The following TBCE variants were observed in gnomAD, a reference collection of about 807,000 sequenced individuals.
The protein encoded by TBCE is tubulin-specific chaperone E.
TBCE carries 53 observed loss-of-function variants against 77.0 expected under a neutral mutation model. The ratio of observed to expected loss-of-function variants is 0.69; its 90% confidence interval spans 0.55 to 0.87. The LOEUF (loss-of-function observed/expected upper bound fraction) is 0.87, where lower values mean the gene tolerates loss of function less well. Ranked by LOEUF, TBCE falls within the 40% of genes least tolerant of loss-of-function variation. The probability of loss-of-function intolerance (pLI) is 0.00; values close to 1 mark genes in which losing one functional copy is unlikely to be tolerated. For synonymous variants in TBCE, 235 were observed against 241.3 expected (o/e 0.97, Z 0.24); for missense variants, 624 against 622.4 (o/e 1.00, Z -0.03).
At chr1:235,370,038 C>G (rs1014785912) in intron 1 of TBCE, among the ~76,000 whole-genome samples, 1 of 152,052 alleles carries the variant, frequency 6.6e-6, no homozygotes, top group Non-Finnish European at 1.5e-5. Context: ...TTCTTTACCT[C>G]TCTCATATTT....
chr1:235,400,153 G>A (rs549100022), intron 2 of TBCE, among the ~76,000 whole-genome samples: 94 of 152,134 alleles, frequency 6.2e-4, no homozygotes, highest in African/African-American at 2.0e-3. Context: ...AAAGACCTTA[G>A]AACATGCCAT....
rs376268347 is a variant in TBCE at position 235,427,247 on chromosome 1, C to T, written c.560+8C>T. On this transcript the variant is annotated splice_region_variant and intron_variant, in intron 6 of 16. Transcript: ENST00000642610. ...GGAAGTCCTTAATGTCAGGTATGAA[C>T]TCTTGGTTGCTGAATCTTCATTAAC... is the stretch of plus-strand genomic sequence containing the variant. 314 of 1,574,356 alleles carry T rather than the reference C, an allele frequency of 2.0e-4. 1 individual carries two copies. Among genetic ancestry groups the T allele is most frequent in the Non-Finnish European group, 2.7e-4 (306 of 1,144,432 alleles).
At chr1:235,424,174 C>G (rs1680566394) in intron 5 of TBCE, among the ~76,000 whole-genome samples, 1 of 152,142 alleles carries the variant, frequency 6.6e-6, no homozygotes, top group South Asian at 2.1e-4. Flanking sequence ...TGACACAGCT[C>G]TGTGACTGCT....
rs1679090164 is a variant in TBCE, at chr1:235,401,362, AG to A, written c.101-139del. ...TTTGCTGATTGAAGTCCTGAGTATA[AG>A]GCTAACTTGTCCATTCCCTCCTCCC... On this transcript the variant is annotated intron_variant, in intron 2 of 16. Transcript: ENST00000642610. 9.7e-6 allele frequency: 7 copies of A among 719,942 alleles called. No individual in the cohort carries two copies. In the South Asian group the frequency reaches 1.0e-4, roughly 11 times the overall value. 44.6% of individuals were successfully genotyped at this position (719,942 alleles called of 1,614,324 possible). A position where few individuals can be genotyped will look rare whatever the true frequency, so the allele number is the denominator to read the frequency against.
chr1:235,427,053 A>G, intron 5 of TBCE, 87 bp from the exon 6 acceptor site: 1 of 932,910 alleles, frequency 1.1e-6, no homozygotes, highest in Non-Finnish European at 1.7e-6. Flanking sequence ...GAAAAGTTAA[A>G]ACGCTCATGC....
At chr1:235,439,962 T>C (rs1172536090) in intron 13 of TBCE, among the ~76,000 whole-genome samples, 1 of 146,230 alleles carries the variant, frequency 6.8e-6, no homozygotes, top group Non-Finnish European at 1.5e-5. Context: ...CCACCATGCC[T>C]GGCTAATTTT....
At chr1:235,404,881 C>T (rs1302497782) in intron 3 of TBCE, among the ~76,000 whole-genome samples, 3 of 151,434 alleles carry the variant, frequency 2.0e-5, no homozygotes, top group Non-Finnish European at 2.9e-5. Flanking sequence ...AGGCTGGTGT[C>T]GAACCCCTGA....
chr1:235,417,054 ATT>A (rs1186734728), intron 4 of TBCE, among the ~76,000 whole-genome samples: 7 of 152,230 alleles, frequency 4.6e-5, no homozygotes, highest in Non-Finnish European at 1.5e-5. Context: ...ACTTTAAGCC[ATT>A]GTCTTATCTC....
chr1:235,439,472 G>A (rs1681690372), intron 13 of TBCE, among the ~76,000 whole-genome samples: 1 of 151,674 alleles, frequency 6.6e-6, no homozygotes, highest in African/African-American at 2.4e-5. Context: ...CTCCAGCCTG[G>A]GCGACAGAAC....
intron 2 of TBCE, among the ~76,000 whole-genome samples, chr1:235,400,524 C>T (rs1003453751): frequency 3.3e-5 from 5 of 149,930 alleles, no homozygotes; most frequent in Non-Finnish European, 7.4e-5. Flanking sequence ...TCTCAGCCTC[C>T]GGAGTAGCTG....
intron 2 of TBCE, among the ~76,000 whole-genome samples, chr1:235,383,252 T>C (rs1318599269): frequency 1.3e-3 from 191 of 152,046 alleles, no homozygotes; most frequent in Non-Finnish European, 2.4e-3. Flanking sequence ...GGTAGTGTGA[T>C]GCCTCCAGCT....
At chr1:235,446,179 C>T (rs1275485135) in intron 15 of TBCE, among the ~76,000 whole-genome samples, 3 of 148,358 alleles carry the variant, frequency 2.0e-5, no homozygotes, top group Non-Finnish European at 4.5e-5. Flanking sequence ...AAAACCTATA[C>T]ATCCTTTTTT....
Position 235,448,332 on chromosome 1 carries a change from T to C in TBCE, c.1400-17T>C, listed in dbSNP as rs770708366. On this transcript the variant is annotated splice_polypyrimidine_tract_variant and intron_variant, in intron 15 of 16. Coordinates refer to ENST00000642610, the MANE Select transcript of TBCE (RefSeq NM_003193.5). ...GTCATTTGAGAGAACGAATGGACTT[T>C]TCTTGTCTTTTGATAGGCTCCATGA... 1.9e-6 allele frequency: 3 copies of C among 1,612,642 alleles called. No individual in the cohort carries two copies. In the Admixed American group the frequency reaches 5.0e-5, roughly 27 times the overall value.
intron 7 of TBCE, among the ~76,000 whole-genome samples, chr1:235,431,383 C>T (rs1179132253): frequency 3.4e-5 from 5 of 148,272 alleles, no homozygotes; most frequent in Non-Finnish European, 5.9e-5. Context: ...TTTTTTGAGA[C>T]GGAGTTTTAC....
At chr1:235,425,285 C>G (rs1680644167) in intron 5 of TBCE, among the ~76,000 whole-genome samples, 2 of 152,114 alleles carry the variant, frequency 1.3e-5, no homozygotes, top group Non-Finnish European at 2.9e-5. Flanking sequence ...GTCCTTGACA[C>G]TCCCTTTCTC....
chr1:235,394,670 C>T (rs1678622953), intron 2 of TBCE, among the ~76,000 whole-genome samples: 1 of 151,962 alleles, frequency 6.6e-6, no homozygotes. Flanking sequence ...ATCTGCCTGC[C>T]TAGGCCTCCC....
At chr1:235,394,276 G>C (rs919703774) in intron 2 of TBCE, among the ~76,000 whole-genome samples, 6 of 151,846 alleles carry the variant, frequency 4.0e-5, no homozygotes, top group African/African-American at 1.5e-4. Context: ...GGGTTTCACC[G>C]TGTTAGCCAG....
At chr1:235,441,216 T>C (rs574977163) in intron 13 of TBCE, 1 of 153,784 alleles carries the variant, frequency 6.5e-6, no homozygotes, top group African/African-American at 2.4e-5. Flanking sequence ...TTTAGAGAAA[T>C]GTTGTCACTG....
chr1:235,419,181 T>TG (rs373364218), intron 4 of TBCE: 28 of 459,750 alleles, frequency 6.1e-5, no homozygotes, highest in African/African-American at 5.1e-4. Flanking sequence ...CACTCCAGCC[T>TG]GGGCAACACA....
Sources: allele counts gnomAD v4.1 joint callset (sites outside exome capture counted in the v4.1 genomes callset), GRCh38; gene constraint gnomAD v4.1.1; transcripts MANE v1.5; gene names NCBI Gene and HGNC (gene_info 2026-07-23, HGNC 2026-07-21).